The following CNBD1 variants were observed in gnomAD, a reference collection of about 807,000 sequenced individuals.
CNBD1 encodes the protein cyclic nucleotide binding domain containing 1, also known as cyclic nucleotide-binding domain-containing protein 1.
In CNBD1, 71 loss-of-function variants were observed where a neutral mutation model predicts 54.4. The ratio of observed to expected loss-of-function variants is 1.30; its 90% CI spans 1.08 to 1.59. The LOEUF (loss-of-function observed/expected upper bound fraction) is 1.59. Ranked by LOEUF, CNBD1 falls within the 40% of genes most tolerant of loss-of-function variation. The probability of loss-of-function intolerance (pLI) is 0.00; values close to 1 mark genes in which losing one functional copy is unlikely to be tolerated. For missense variants in CNBD1, 659 were observed against 518.0 expected, an observed-to-expected ratio of 1.27 and a Z score of -2.64; for synonymous variants, 182 against 170.7, an observed-to-expected ratio of 1.07 and a Z score of -0.51.
At chr8:87,135,387 A>T (rs1812207191) in intron 4 of CNBD1, among the ~76,000 whole-genome samples, 1 of 151,858 alleles carries the variant, frequency 6.6e-6, no homozygotes, top group Non-Finnish European at 1.5e-5. Context: ...TAAACCTCAA[A>T]GTAATCTTTT....
chr8:87,097,313 A>G (rs1056043725), intron 4 of CNBD1, among the ~76,000 whole-genome samples: 5 of 152,310 alleles, frequency 3.3e-5, no homozygotes, highest in South Asian at 4.1e-4. Context: ...AATTTTCTAC[A>G]ATTTACAAAA....
At chr8:87,402,432 A>C (rs537874068) in intron 2 of CNBD1, among the ~76,000 whole-genome samples, 4 of 152,164 alleles carry the variant, frequency 2.6e-5, no homozygotes, top group East Asian at 3.9e-4. Flanking sequence ...AATGTACATC[A>C]ATTAATTTCC....
At chr8:87,084,376 A>G (rs575534424) in intron 4 of CNBD1, among the ~76,000 whole-genome samples, 4 of 152,192 alleles carry the variant, frequency 2.6e-5, no homozygotes, top group Non-Finnish European at 4.4e-5. Context: ...CATGCTGACA[A>G]TGGATTCTCT....
intron 4 of CNBD1, among the ~76,000 whole-genome samples, chr8:87,052,413 T>C (rs1810329780): frequency 1.3e-5 from 2 of 152,222 alleles, no homozygotes; most frequent in Non-Finnish European, 2.9e-5. Flanking sequence ...AATTTTCATC[T>C]GGTTTTTGAT....
intron 4 of CNBD1, among the ~76,000 whole-genome samples, chr8:86,982,528 G>A (rs1462844203): frequency 2.0e-5 from 3 of 152,102 alleles, no homozygotes; most frequent in Admixed American, 6.6e-5. Context: ...TAGGCAGTAT[G>A]ATTTGTTGCA....
chr8:87,258,734 C>A (rs1307044978), intron 6 of CNBD1, among the ~76,000 whole-genome samples: 3 of 152,086 alleles, frequency 2.0e-5, no homozygotes, highest in Non-Finnish European at 4.4e-5. Context: ...ATCAATTTGA[C>A]CATAAGGTGA....
chr8:87,284,292 C>A (rs1423333116), intron 6 of CNBD1, among the ~76,000 whole-genome samples: 1 of 151,886 alleles, frequency 6.6e-6, no homozygotes, highest in African/African-American at 2.4e-5. Flanking sequence ...ACATTTTATT[C>A]ATTTTTGTTA....
intron 4 of CNBD1, among the ~76,000 whole-genome samples, chr8:87,030,816 A>G (rs1809765158): frequency 6.8e-6 from 1 of 147,028 alleles, no homozygotes; most frequent in South Asian, 2.2e-4. Context: ...GATGACAGCC[A>G]TGTCTCCTCC....
At chr8:87,299,822 C>T (rs1808949091) in intron 8 of CNBD1, among the ~76,000 whole-genome samples, 1 of 152,190 alleles carries the variant, frequency 6.6e-6, no homozygotes, top group Non-Finnish European at 1.5e-5. Flanking sequence ...ATTTCAGCCA[C>T]ACCACACCCT....
chr8:87,269,511 GT>G (rs1808322610), intron 6 of CNBD1, among the ~76,000 whole-genome samples: 1 of 152,062 alleles, frequency 6.6e-6, no homozygotes, highest in African/African-American at 2.4e-5. Context: ...GCTTTGGGCC[GT>G]ATGGCCATTT....
At chr8:87,014,611 G>T (rs755038776) in intron 4 of CNBD1, among the ~76,000 whole-genome samples, 1 of 151,996 alleles carries the variant, frequency 6.6e-6, no homozygotes, top group Non-Finnish European at 1.5e-5. Flanking sequence ...TTGGGTAAGT[G>T]TAATGAAATA....
downstream of CNBD1, among the ~76,000 whole-genome samples, chr8:87,383,266 G>A (rs910126572): frequency 2.0e-5 from 3 of 152,060 alleles, no homozygotes; most frequent in Admixed American, 6.6e-5. Flanking sequence ...TATTACACAT[G>A]CTTCATATTG....
chr8:86,867,804 A>G (rs778807356), intron 1 of CNBD1, among the ~76,000 whole-genome samples: 38 of 152,358 alleles, frequency 2.5e-4, no homozygotes, highest in South Asian at 4.1e-4. Context: ...AAATTAATTT[A>G]GAATCAATGA....
At chr8:87,391,003 A>G (rs1433966866) in intron 2 of CNBD1, among the ~76,000 whole-genome samples, 6 of 150,036 alleles carry the variant, frequency 4.0e-5, no homozygotes, top group African/African-American at 1.2e-4. Flanking sequence ...AAAAAACCAA[A>G]CACCGCATGT....
intron 5 of CNBD1, among the ~76,000 whole-genome samples, chr8:87,226,077 G>A (rs1484801495): frequency 9.2e-5 from 14 of 152,054 alleles, no homozygotes; most frequent in South Asian, 6.2e-4. Context: ...CTGTGGGATC[G>A]GTGGTGATAT....
intron 4 of CNBD1, among the ~76,000 whole-genome samples, chr8:86,962,474 AC>A (rs1240187340): frequency 6.6e-6 from 1 of 152,126 alleles, no homozygotes; most frequent in Admixed American, 6.5e-5. Context: ...CCTTCCTGCT[AC>A]CAGTTTGCAC....
chr8:87,112,284 A>T (rs888915185), intron 4 of CNBD1, among the ~76,000 whole-genome samples: 1 of 152,148 alleles, frequency 6.6e-6, no homozygotes, highest in Admixed American at 6.5e-5. Flanking sequence ...GAGTCATGGG[A>T]TAGTGCCCTG....
chr8:87,387,799 A>G (rs1185188814), downstream of CNBD1, among the ~76,000 whole-genome samples: 1 of 152,226 alleles, frequency 6.6e-6, no homozygotes, highest in Non-Finnish European at 1.5e-5. Flanking sequence ...TCAGCAGAAT[A>G]TACATTCTTT....
chr8:87,104,639 T>C (rs1186892322), intron 4 of CNBD1, among the ~76,000 whole-genome samples: 1 of 152,192 alleles, frequency 6.6e-6, no homozygotes, highest in African/African-American at 2.4e-5. Context: ...AAAGAGCTAG[T>C]GTGGAGAGTA....
Sources: gnomAD v4.1 joint callset for allele counts (sites outside exome capture counted in the v4.1 genomes callset) on GRCh38, gnomAD v4.1.1 for gene constraint, MANE v1.5 for transcripts, NCBI Gene and HGNC (gene_info 2026-07-23, HGNC 2026-07-21) for gene names.